The following ACAD11 variants were observed in gnomAD, a reference collection of about 807,000 sequenced individuals.
The protein encoded by ACAD11 is acyl-CoA dehydrogenase family member 11, also known as acyl-Coenzyme A dehydrogenase family, member 11.
A neutral mutation model predicts 102.2 loss-of-function variants in ACAD11; 83 were observed. The observed-to-expected ratio is 0.81, with a 90% CI of 0.68 to 0.97. ACAD11 has a LOEUF of 0.97. ACAD11 is among the 50% of genes least tolerant of loss of function. ACAD11 has a pLI of 0.00. For synonymous variants in ACAD11, 324 were observed against 319.8 expected, an observed-to-expected ratio of 1.01 and a Z score of -0.14; for missense variants, 901 against 951.7, an observed-to-expected ratio of 0.95 and a Z score of 0.70.
intron 1 of ACAD11, among the ~76,000 whole-genome samples, chr3:132,655,141 T>A (rs990001199): frequency 6.6e-6 from 1 of 152,226 alleles, no homozygotes; most frequent in Non-Finnish European, 1.5e-5. Context: ...TTATGCAGCA[T>A]GTGACTATAT....
chr3:132,580,883 T>C (rs1937587684), intron 13 of ACAD11, among the ~76,000 whole-genome samples: 1 of 150,968 alleles, frequency 6.6e-6, no homozygotes, highest in Non-Finnish European at 1.5e-5. Flanking sequence ...AGAGAATGAC[T>C]GGCCAAAAAT....
Position 132,630,536 on chromosome 3 carries a change from C to A in ACAD11, c.864G>T (p.Leu288=). The stretch of plus-strand genomic sequence containing the variant: ...CCCTGCAGCGGCAATATATTGAAAT[C>A]AGTTCTTCCATTGATGGTATCCCTA... ...ENSGIPSMEE[L]ISIYCRCRGI... Residue 288 remains leucine (L), a synonymous_variant, in exon 7 of 20, where the codon CTG becomes CTT. Coordinates refer to ENST00000264990, the MANE Select transcript of ACAD11 (RefSeq NM_032169.5). The A allele has an allele frequency of 6.2e-7, 1 of 1,610,566 alleles. No homozygotes were observed. Among genetic ancestry groups the A allele is most frequent in the Non-Finnish European group, 8.5e-7 (1 of 1,178,382 alleles).
At position 132,607,372 on chromosome 3, in the gene ACAD11, C is replaced by G. The variant is rs143322494; in HGVS notation, c.1415-2167G>C. Among the ~76,000 whole-genome samples the G allele has an allele frequency of 2.4e-4, 37 of 152,214 alleles. No individual in the cohort carries two copies. The East Asian group carries it at 5.4e-3, about 22-fold the overall frequency. On this transcript the variant is annotated intron_variant, in intron 11 of 19. Transcript: ENST00000264990. ...AACCCAATGCAAGGAACCTAAGAACCTTGACAAAAGGTTAGAGGAATTGCT... is the reference window on the plus strand; with the variant it reads ...AACCCAATGCAAGGAACCTAAGAACGTTGACAAAAGGTTAGAGGAATTGCT...
chr3:132,627,131 G>T (rs1228611294), intron 8 of ACAD11: 1 of 181,448 alleles, frequency 5.5e-6, no homozygotes, highest in Admixed American at 5.9e-5. Flanking sequence ...ATGGACTGGG[G>T]GCCTGCCTGC....
intron 13 of ACAD11, 99 bp downstream of exon 13, chr3:132,603,130 A>G (rs1412091973): frequency 3.0e-5 from 31 of 1,048,574 alleles, no homozygotes; most frequent in Non-Finnish European, 4.5e-5. Context: ...AAGAATTATG[A>G]TCATGAAACT....
chr3:132,626,758 C>T lies in ACAD11; in HGVS notation c.1130G>A (p.Arg377Gln), dbSNP rs1375279230. The change falls in exon 9 of 20, where the codon CGG becomes CAG. Residue 377 changes from arginine to glutamine, a missense_variant. By Grantham distance (43) the Arg-to-Gln change is conservative (BLOSUM62 1). Coordinates refer to ENST00000264990, the MANE Select transcript of ACAD11 (RefSeq NM_032169.5). Reference sequence around the variant, plus strand: ...CTTAATAAGAACTTCCTGACCTTTCCGAGTCTGTACAAACAACTGTCCAGT... The same window carrying T: ...CTTAATAAGAACTTCCTGACCTTTCTGAGTCTGTACAAACAACTGTCCAGT... Reference protein sequence around the residue: ...DTTGQLFVQTRKGQEVLIKVK... With the variant: ...DTTGQLFVQTQKGQEVLIKVK... 6.2e-7 allele frequency: 1 copy of T among 1,613,646 alleles called. No homozygotes were observed. The highest frequency in any genetic ancestry group is 2.2e-5 in the East Asian group (1 of 44,816).
intron 4 of ACAD11, among the ~76,000 whole-genome samples, chr3:132,640,996 AT>A (rs1406490971): frequency 6.6e-6 from 1 of 152,274 alleles, no homozygotes; most frequent in Non-Finnish European, 1.5e-5. Context: ...AGCTTTCTCT[AT>A]ATAAGCAAGG....
At chr3:132,616,289 A>T (rs1026085804) in intron 11 of ACAD11, among the ~76,000 whole-genome samples, 2 of 152,220 alleles carry the variant, frequency 1.3e-5, no homozygotes, top group African/African-American at 4.8e-5. Context: ...ATGAAATTTT[A>T]ATGCTAGAGA....
chr3:132,609,452 C>G (rs1057118710), intron 11 of ACAD11, among the ~76,000 whole-genome samples: 3 of 152,226 alleles, frequency 2.0e-5, no homozygotes, highest in Admixed American at 2.0e-4. Context: ...AAGGGGATAT[C>G]AACACTGATC....
chr3:132,611,412 T>C (rs1247068538), intron 11 of ACAD11, among the ~76,000 whole-genome samples: 1 of 151,932 alleles, frequency 6.6e-6, no homozygotes, highest in Admixed American at 6.6e-5. Context: ...GGCATTCAAT[T>C]AGGAAAAGAG....
chr3:132,633,250 C>T (rs1343930744), intron 5 of ACAD11, among the ~76,000 whole-genome samples: 9 of 152,116 alleles, frequency 5.9e-5, no homozygotes, highest in South Asian at 2.1e-4. Flanking sequence ...TACGTCCCAT[C>T]GATACCTAAT....
At chr3:132,592,787 TA>T (rs1438098849) in intron 13 of ACAD11, among the ~76,000 whole-genome samples, 2 of 152,112 alleles carry the variant, frequency 1.3e-5, no homozygotes, top group Non-Finnish European at 2.9e-5. Flanking sequence ...TATTTTACAA[TA>T]AAATTTCCCT....
intron 1 of ACAD11, among the ~76,000 whole-genome samples, chr3:132,654,928 T>C (rs1937702674): frequency 6.6e-6 from 1 of 152,210 alleles, no homozygotes; most frequent in African/African-American, 2.4e-5. Context: ...ACCTGAGCTC[T>C]GTGGTACAGC....
At chr3:132,595,077 A>G (rs991124648) in intron 13 of ACAD11, among the ~76,000 whole-genome samples, 1 of 152,200 alleles carries the variant, frequency 6.6e-6, no homozygotes, top group Non-Finnish European at 1.5e-5. Flanking sequence ...GAACATGTTA[A>G]GTGCTATGGG....
Position 132,558,859 on chromosome 3 carries a change from TA to T in ACAD11, c.*111del. The T allele has an allele frequency of 1.4e-6, 1 of 733,934 alleles. No individual in the cohort carries two copies. The highest frequency in any genetic ancestry group is 2.3e-6 in the Non-Finnish European group (1 of 437,950). The allele number at this position is 733,934 out of a possible 1,614,324, so 45.5% of individuals were successfully genotyped here. On this transcript the variant is annotated 3_prime_UTR_variant, in exon 20 of 20. Coordinates refer to ENST00000264990, the MANE Select transcript of ACAD11 (RefSeq NM_032169.5). ...TGCTATAATCTTTACCACAAATGAA[TA>T]ATTAACCCTGTGCTCAAACTGCTAC...
At chr3:132,656,975 G>A (rs1937844644) in intron 1 of ACAD11, among the ~76,000 whole-genome samples, 1 of 151,610 alleles carries the variant, frequency 6.6e-6, no homozygotes, top group African/African-American at 2.4e-5. Context: ...ACCATTATAT[G>A]CACTGAAAAT....
chr3:132,586,341 T>C (rs1412214616), intron 13 of ACAD11, among the ~76,000 whole-genome samples: 1 of 151,948 alleles, frequency 6.6e-6, no homozygotes, highest in Non-Finnish European at 1.5e-5. Context: ...GAGCCTGTTG[T>C]GGGGTGGGGG....
chr3:132,621,382 A>T (rs1250036999), intron 9 of ACAD11: 1 of 152,218 alleles, frequency 6.6e-6, no homozygotes, highest in African/African-American at 2.4e-5. Context: ...AAAGCAACAA[A>T]TGAAGCCAGA....
At position 132,558,796 on chromosome 3, in the gene ACAD11, T is replaced by C; in HGVS notation, c.*175A>G. 7 of 566,964 alleles carry C rather than the reference T, an allele frequency of 1.2e-5. 1 individual carries two copies. In the South Asian group the frequency reaches 1.5e-4, roughly 12 times the overall value. The allele number at this position is 566,964 out of a possible 1,614,324, so 35.1% of individuals were successfully genotyped here. ...ATTTCTTACTGAACTTAACCCTGTGTGACCCTTGAAATAATAAAACCCACT... is the reference window on the plus strand; with the variant it reads ...ATTTCTTACTGAACTTAACCCTGTGCGACCCTTGAAATAATAAAACCCACT... On this transcript the variant is annotated 3_prime_UTR_variant, in exon 20 of 20. Coordinates refer to ENST00000264990, the MANE Select transcript of ACAD11 (RefSeq NM_032169.5).
Sources: allele counts gnomAD v4.1 joint callset (sites outside exome capture counted in the v4.1 genomes callset), GRCh38; gene constraint gnomAD v4.1.1; transcripts MANE v1.5; gene names NCBI Gene and HGNC (gene_info 2026-07-23, HGNC 2026-07-21).